The following KIAA0319 variants were observed in gnomAD, a reference collection of about 807,000 sequenced individuals.
The protein encoded by KIAA0319 is dyslexia-associated protein KIAA0319.
In KIAA0319, 83 loss-of-function variants were observed where a neutral mutation model predicts 108.4. The ratio of observed to expected loss-of-function variants is 0.77; its 90% CI spans 0.64 to 0.92. The LOEUF (loss-of-function observed/expected upper bound fraction) is 0.92. KIAA0319 is among the 40% of genes least tolerant of loss of function. The pLI is 0.00. For missense variants in KIAA0319, 1,195 were observed against 1,322.4 expected, an observed-to-expected ratio of 0.90 and a Z score of 1.49; for synonymous variants, 484 against 510.4, an observed-to-expected ratio of 0.95 and a Z score of 0.70.
rs766123728 is a variant in KIAA0319, at chr6:24,616,419, G to A, written c.-105-15211C>T. On this transcript the variant is annotated intron_variant, in intron 1 of 20. Coordinates refer to ENST00000378214, the MANE Select transcript of KIAA0319 (RefSeq NM_014809.4). ...TGTTGCCAGGCTGGAGTGCAGTGGC[G>A]CCATCTCGGCTCACTGAAACCTCCG... Among the ~76,000 whole-genome samples the A allele has an allele frequency of 2.0e-5, 3 of 152,126 alleles. No homozygotes were observed. The South Asian group carries it at 6.2e-4, about 32-fold the overall frequency.
At chr6:24,601,911 C>T (rs894453338) in intron 1 of KIAA0319, among the ~76,000 whole-genome samples, 1 of 152,022 alleles carries the variant, frequency 6.6e-6, no homozygotes, top group Non-Finnish European at 1.5e-5. Flanking sequence ...TGTGGATTGT[C>T]GGTCAAAGTT....
At chr6:24,583,537 C>T (rs1766953035) in intron 5 of KIAA0319, 67 bp downstream of exon 5, 1 of 1,028,600 alleles carries the variant, frequency 9.7e-7, no homozygotes, top group Non-Finnish European at 1.5e-6. Context: ...TGTAAATAGC[C>T]TGTAAGGACC....
At chr6:24,585,674 A>G (rs1037982788) in intron 4 of KIAA0319, among the ~76,000 whole-genome samples, 3 of 152,192 alleles carry the variant, frequency 2.0e-5, no homozygotes, top group African/African-American at 7.2e-5. Flanking sequence ...AAAGAATGCA[A>G]TATTTGTCTC....
intron 2 of KIAA0319, chr6:24,598,234 G>A: frequency 3.6e-6 from 2 of 560,172 alleles, no homozygotes; most frequent in Non-Finnish European, 3.3e-6. Context: ...AGCCATCACA[G>A]TCAACTAGAG....
chr6:24,624,134 T>C (rs550996700), intron 1 of KIAA0319, among the ~76,000 whole-genome samples: 1 of 144,994 alleles, frequency 6.9e-6, no homozygotes, highest in Admixed American at 7.0e-5. Flanking sequence ...AAGCAATCCT[T>C]CCACCTCAGC....
intron 9 of KIAA0319, 136 bp from the exon 10 acceptor site, chr6:24,576,732 C>A: frequency 1.4e-6 from 1 of 690,196 alleles, no homozygotes; most frequent in South Asian, 1.8e-5. Context: ...ACCAGCTGGG[C>A]CATAGAAGGA....
intron 1 of KIAA0319, among the ~76,000 whole-genome samples, chr6:24,639,771 C>T (rs920821767): frequency 7.3e-5 from 11 of 150,268 alleles, no homozygotes; most frequent in Non-Finnish European, 1.5e-4. Flanking sequence ...TCGCTTAAAC[C>T]TGGGAGGCGG....
At chr6:24,578,381 A>G (rs1765859772) in intron 8 of KIAA0319, 139 bp from the exon 9 acceptor site, 1 of 513,266 alleles carries the variant, frequency 1.9e-6, no homozygotes, top group Admixed American at 4.0e-5. Context: ...TATATACTGT[A>G]TTAGAAGGAG....
At chr6:24,557,199 GTC>G (rs1253880466) in intron 17 of KIAA0319, among the ~76,000 whole-genome samples, 1 of 135,542 alleles carries the variant, frequency 7.4e-6, no homozygotes, top group East Asian at 2.0e-4. Flanking sequence ...GCAAGACTTT[GTC>G]TCAAAAAAAA....
At chr6:24,553,759 C>G (rs1313514881) in intron 19 of KIAA0319, among the ~76,000 whole-genome samples, 1 of 152,168 alleles carries the variant, frequency 6.6e-6, no homozygotes, top group Non-Finnish European at 1.5e-5. Context: ...CCAATGAAGT[C>G]TTCATAAAAG....
intron 1 of KIAA0319, among the ~76,000 whole-genome samples, chr6:24,612,039 CT>C (rs1165692244): frequency 4.9e-5 from 5 of 102,426 alleles, no homozygotes; most frequent in Non-Finnish European, 9.0e-5. Flanking sequence ...TAGAGTGAGA[CT>C]TTGTTTCAAA....
chr6:24,610,032 GTTTCT>G (rs985237181), intron 1 of KIAA0319, among the ~76,000 whole-genome samples: 1 of 152,080 alleles, frequency 6.6e-6, no homozygotes, highest in African/African-American at 2.4e-5. Context: ...TTATGCAATG[GTTTCT>G]TAAATATGAC....
intron 1 of KIAA0319, among the ~76,000 whole-genome samples, chr6:24,620,976 A>G (rs1296764579): frequency 6.6e-6 from 1 of 152,150 alleles, no homozygotes. Context: ...AACAGAAACT[A>G]TGTGGTATCA....
At chr6:24,636,857 G>A (rs954008696) in intron 1 of KIAA0319, among the ~76,000 whole-genome samples, 1 of 151,444 alleles carries the variant, frequency 6.6e-6, no homozygotes, top group Non-Finnish European at 1.5e-5. Flanking sequence ...GAAGAGAACA[G>A]ATAATAAACA....
chr6:24,644,232 C>T (rs1473213506), intron 1 of KIAA0319, among the ~76,000 whole-genome samples: 1 of 101,996 alleles, frequency 9.8e-6, no homozygotes, highest in South Asian at 3.4e-4. Flanking sequence ...GGGATAGCTT[C>T]CTGGACAGGG....
intron 3 of KIAA0319, 67 bp from the exon 4 acceptor site, chr6:24,588,852 A>T: frequency 7.9e-7 from 1 of 1,271,440 alleles, no homozygotes; most frequent in Non-Finnish European, 1.1e-6. Flanking sequence ...CAAGCAACTC[A>T]ATGTTACCAA....
At chr6:24,604,862 CAG>C (rs1289740926) in intron 1 of KIAA0319, among the ~76,000 whole-genome samples, 1 of 152,046 alleles carries the variant, frequency 6.6e-6, no homozygotes, top group African/African-American at 2.4e-5. Context: ...TATTTTGGGA[CAG>C]AGTTTCGCTC....
At position 24,623,866 on chromosome 6, in the gene KIAA0319, T is replaced by C. The variant is rs940842040; in HGVS notation, c.-106+21870A>G. On this transcript the variant is annotated intron_variant, in intron 1 of 20. Coordinates refer to ENST00000378214, the MANE Select transcript of KIAA0319 (RefSeq NM_014809.4). ...GTTATCCAAATTGATCATTATACAT[T>C]GTATGCTTGTGTCAAAACATCACAT... is the stretch of plus-strand genomic sequence containing the variant. Among the ~76,000 whole-genome samples the C allele has an allele frequency of 1.3e-4, 20 of 152,132 alleles. 1 individual carries two copies. Among genetic ancestry groups the C allele is most frequent in the Admixed American group, 7.2e-4 (11 of 15,256 alleles).
At chr6:24,612,784 C>A (rs1772530067) in intron 1 of KIAA0319, among the ~76,000 whole-genome samples, 1 of 151,914 alleles carries the variant, frequency 6.6e-6, no homozygotes, top group Non-Finnish European at 1.5e-5. Context: ...GGAGAGAGGG[C>A]TCAGGGAGAA....
Sources: gnomAD v4.1 joint callset for allele counts (sites outside exome capture counted in the v4.1 genomes callset) on GRCh38, gnomAD v4.1.1 for gene constraint, MANE v1.5 for transcripts, NCBI Gene and HGNC (gene_info 2026-07-23, HGNC 2026-07-21) for gene names.